The following LRBA variants were observed in gnomAD, a reference collection of about 807,000 sequenced individuals.
LRBA encodes the protein LPS responsive beige-like anchor protein.
LRBA carries 176 observed loss-of-function variants against 330.0 expected under a neutral mutation model. The observed-to-expected ratio is 0.53, with a 90% CI of 0.47 to 0.60. The LOEUF is 0.60. Among genes scored for constraint, LRBA ranks in the 20% least tolerant of loss-of-function variants. LRBA has a pLI of 0.00. For synonymous variants in LRBA, 1,230 were observed against 1,193.0 expected (o/e 1.03, Z -0.64); for missense variants, 3,259 against 3,444.8 (o/e 0.95, Z 1.35).
At chr4:150,686,846 A>G (rs1437981983) in intron 36 of LRBA, among the ~76,000 whole-genome samples, 1 of 152,120 alleles carries the variant, frequency 6.6e-6, no homozygotes, top group Non-Finnish European at 1.5e-5. Context: ...TTAAAATCAA[A>G]TTATATTTTG....
chr4:150,720,152 A>T (rs1728738284), intron 36 of LRBA, among the ~76,000 whole-genome samples: 1 of 152,150 alleles, frequency 6.6e-6, no homozygotes, highest in Admixed American at 6.5e-5. Context: ...TGTCTAAGCC[A>T]ACAGAATATC....
At chr4:150,395,441 A>C (rs1744597125) in intron 47 of LRBA, among the ~76,000 whole-genome samples, 1 of 151,930 alleles carries the variant, frequency 6.6e-6, no homozygotes, top group Admixed American at 6.6e-5. Context: ...CCTCTCTGTC[A>C]TTGTTTTAAC....
chr4:150,462,573 G>C (rs570005947), intron 44 of LRBA, among the ~76,000 whole-genome samples: 1 of 151,744 alleles, frequency 6.6e-6, no homozygotes, highest in Non-Finnish European at 1.5e-5. Flanking sequence ...CATTAATTCA[G>C]CTTCAGAAAG....
rs560552030 is a variant in LRBA, at chr4:150,364,965, A to G, written c.7195-14806T>C. On this transcript the variant is annotated intron_variant, in intron 47 of 56. Coordinates refer to ENST00000651943, the MANE Select transcript of LRBA (RefSeq NM_001364905.1). The stretch of plus-strand genomic sequence containing the variant: ...ATAAAAATGTATATCATAAATATAT[A>G]TCATAATATATATACACACACAGAG... Among the ~76,000 whole-genome samples, 83 of 152,040 alleles carry G rather than the reference A, an allele frequency of 5.5e-4. 1 individual carries two copies. The highest frequency in any genetic ancestry group is 2.0e-3 in the African/African-American group (81 of 41,504).
chr4:150,672,649 A>AT (rs1782168968), intron 37 of LRBA, among the ~76,000 whole-genome samples: 1 of 152,136 alleles, frequency 6.6e-6, no homozygotes, highest in South Asian at 2.1e-4. Flanking sequence ...GATCAGAGAT[A>AT]TAAGTAACAA....
intron 48 of LRBA, among the ~76,000 whole-genome samples, chr4:150,348,237 T>C (rs1352769955): frequency 1.3e-5 from 2 of 152,202 alleles, no homozygotes; most frequent in African/African-American, 4.8e-5. Flanking sequence ...ATAGAGGAAA[T>C]AACTAGCTGA....
rs1055450941 is a variant in LRBA, at chr4:150,284,004, T to C, written c.8120-1358A>G. Among the ~76,000 whole-genome samples the C allele has an allele frequency of 7.9e-5, 12 of 152,104 alleles. 1 individual carries two copies. The highest frequency in any genetic ancestry group is 2.2e-4 in the African/African-American group (9 of 41,410). On this transcript the variant is annotated intron_variant, in intron 54 of 56. Coordinates refer to ENST00000651943, the MANE Select transcript of LRBA (RefSeq NM_001364905.1). ...AAAAATGGATAATCAAAAAGGGGTA[T>C]TGGCCAACAAAGATGAAACTGCAGT...
At chr4:150,836,262 C>G (rs1356271975) in intron 28 of LRBA, among the ~76,000 whole-genome samples, 2 of 152,060 alleles carry the variant, frequency 1.3e-5, no homozygotes, top group Non-Finnish European at 2.9e-5. Context: ...CTAAAATTCT[C>G]TTTTTTTGTT....
At chr4:150,814,982 T>C (rs771515788) in intron 31 of LRBA, among the ~76,000 whole-genome samples, 26 of 151,990 alleles carry the variant, frequency 1.7e-4, no homozygotes, top group Non-Finnish European at 2.9e-4. Flanking sequence ...AGCTGTTTCT[T>C]ATCTCTTCTG....
At chr4:150,711,260 G>C (rs1786176081) in intron 36 of LRBA, among the ~76,000 whole-genome samples, 1 of 146,744 alleles carries the variant, frequency 6.8e-6, no homozygotes, top group South Asian at 2.1e-4. Flanking sequence ...TTTTGAGAAA[G>C]AGTCTCACTG....
At chr4:150,471,494 T>A in intron 43 of LRBA, 130 bp downstream of exon 43, 2 of 583,522 alleles carry the variant, frequency 3.4e-6, no homozygotes, top group East Asian at 2.9e-5. Context: ...TCTCTTTGTA[T>A]ATCCTTTGTA....
chr4:150,658,195 TCC>T (rs35603094), intron 37 of LRBA, among the ~76,000 whole-genome samples: 1 of 151,696 alleles, frequency 6.6e-6, no homozygotes. Context: ...GAAAATAGAT[TCC>T]CCCCCTTCTT....
rs1435460720 is a variant in LRBA at position 150,559,792 on chromosome 4, A to T, written c.6330+28256T>A. Among the ~76,000 whole-genome samples the T allele has an allele frequency of 2.6e-4, 22 of 83,148 alleles. No homozygotes were observed. The East Asian group carries it at 5.4e-3, about 20-fold the overall frequency. The allele number at this position is 83,148 out of a possible 152,430, so 54.5% of individuals were successfully genotyped here. ...ATATATATTATATTATATTATATAT[A>T]ATTATAATATGTTATATATAATAAT... is the stretch of plus-strand genomic sequence containing the variant. On this transcript the variant is annotated intron_variant, in intron 40 of 56. Coordinates refer to ENST00000651943, the MANE Select transcript of LRBA (RefSeq NM_001364905.1).
chr4:150,697,325 GAA>G (rs60145657), intron 36 of LRBA, among the ~76,000 whole-genome samples: 824 of 27,862 alleles, frequency 0.03, 3 homozygotes, highest in African/African-American at 0.088. Flanking sequence ...CTTTGTCTCA[GAA>G]AAAAAAAAAA....
At chr4:150,898,652 A>AAAC (rs1553993928) in intron 14 of LRBA, among the ~76,000 whole-genome samples, 1 of 9,118 alleles carries the variant, frequency 1.1e-4, no homozygotes, top group Admixed American at 1.9e-3. Flanking sequence ...AGACAAAAAA[A>AAAC]AATAATAAGA....
intron 40 of LRBA, among the ~76,000 whole-genome samples, chr4:150,493,349 T>A (rs1323645493): frequency 4.6e-5 from 7 of 152,216 alleles, no homozygotes; most frequent in Non-Finnish European, 1.0e-4. Flanking sequence ...TACTAGAATC[T>A]AAGTTCTGTT....
chr4:150,952,297 G>A (rs1463624714), intron 2 of LRBA, among the ~76,000 whole-genome samples: 1 of 151,952 alleles, frequency 6.6e-6, no homozygotes, highest in African/African-American at 2.4e-5. Flanking sequence ...GAGAGAGATA[G>A]GTAGAGACAA....
intron 30 of LRBA, among the ~76,000 whole-genome samples, chr4:150,825,836 G>A (rs1231244587): frequency 6.6e-6 from 1 of 152,136 alleles, no homozygotes; most frequent in African/African-American, 2.4e-5. Flanking sequence ...AAGTTGAATT[G>A]CTTGATATGT....
At chr4:150,906,137 A>T in intron 12 of LRBA, 147 bp from the exon 13 acceptor site, 1 of 810,432 alleles carries the variant, frequency 1.2e-6, no homozygotes, top group Non-Finnish European at 2.0e-6. Flanking sequence ...TGTTTGATAG[A>T]GGAATGGAGG....
Sources: gnomAD v4.1 joint callset for allele counts (sites outside exome capture counted in the v4.1 genomes callset) on GRCh38, gnomAD v4.1.1 for gene constraint, MANE v1.5 for transcripts, NCBI Gene and HGNC (gene_info 2026-07-23, HGNC 2026-07-21) for gene names.